Variants in NEK10 observed in about 807,000 individuals in gnomAD.
NEK10 encodes serine/threonine-protein kinase Nek10.
A neutral mutation model predicts 159.8 loss-of-function variants in NEK10; 122 were observed. The observed-to-expected ratio is 0.76, with a 90% CI of 0.66 to 0.89. The LOEUF (loss-of-function observed/expected upper bound fraction) is 0.89, where lower values mean the gene tolerates loss of function less well. NEK10 is among the 40% of genes least tolerant of loss of function. NEK10 has a pLI of 0.00. For synonymous variants in NEK10, 466 were observed against 457.1 expected, an observed-to-expected ratio of 1.02 and a Z score of -0.25; for missense variants, 1,342 against 1,323.1, an observed-to-expected ratio of 1.01 and a Z score of -0.22.
At chr3:27,266,045 T>C (rs1021106396) in intron 22 of NEK10, among the ~76,000 whole-genome samples, 7 of 152,152 alleles carry the variant, frequency 4.6e-5, no homozygotes, top group African/African-American at 1.7e-4. Flanking sequence ...GACCTCGTGA[T>C]CCACCTGCCT....
At chr3:27,113,637 G>T (rs375170180) in intron 35 of NEK10, among the ~76,000 whole-genome samples, 1 of 151,818 alleles carries the variant, frequency 6.6e-6, no homozygotes, top group Non-Finnish European at 1.5e-5. Flanking sequence ...TTTTGCCTTT[G>T]TTATAAGGCA....
chr3:27,112,947 T>C (rs1028921027), intron 35 of NEK10, among the ~76,000 whole-genome samples: 1 of 152,220 alleles, frequency 6.6e-6, no homozygotes, highest in African/African-American at 2.4e-5. Flanking sequence ...CTAATCTGAT[T>C]TGTACTTGGA....
intron 23 of NEK10, chr3:27,255,277 A>G (rs1249434166): frequency 2.3e-6 from 1 of 437,178 alleles, no homozygotes; most frequent in Non-Finnish European, 4.6e-6. Flanking sequence ...AGCCTGCCAC[A>G]GTTTCTTTGC....
At chr3:27,173,679 GGAGA>G (rs772424972) in intron 28 of NEK10, among the ~76,000 whole-genome samples, 28 of 152,086 alleles carry the variant, frequency 1.8e-4, no homozygotes, top group Non-Finnish European at 2.8e-4. Flanking sequence ...TAGTCACTGA[GGAGA>G]GAGAATTATT....
At chr3:27,167,848 C>T (rs772353797) in intron 29 of NEK10, among the ~76,000 whole-genome samples, 4 of 152,172 alleles carry the variant, frequency 2.6e-5, no homozygotes, top group African/African-American at 4.8e-5. Context: ...TATTATTCTC[C>T]AGCCTTGAGA....
intron 26 of NEK10, among the ~76,000 whole-genome samples, chr3:27,183,859 T>C (rs1948370739): frequency 6.6e-6 from 1 of 152,114 alleles, no homozygotes; most frequent in Admixed American, 6.5e-5. Context: ...TCATTGATCA[T>C]CAGGAAAATG....
chr3:27,228,769 A>G (rs1248863176), intron 23 of NEK10, among the ~76,000 whole-genome samples: 1 of 152,180 alleles, frequency 6.6e-6, no homozygotes, highest in Non-Finnish European at 1.5e-5. Flanking sequence ...CAACGTTCCT[A>G]CAGATGAAAA....
chr3:27,162,372 C>A, intron 30 of NEK10: 1 of 1,540,140 alleles, frequency 6.5e-7, no homozygotes, highest in Non-Finnish European at 8.8e-7. Flanking sequence ...AAATTACCAC[C>A]CAAGCATCGT....
At chr3:27,301,962 C>A in intron 12 of NEK10, 127 bp from the exon 13 acceptor site, 1 of 704,930 alleles carries the variant, frequency 1.4e-6, no homozygotes, top group Non-Finnish European at 2.4e-6. Context: ...TTTCACTTTC[C>A]AATCCACCTG....
At chr3:27,142,884 A>G (rs2125586724) in intron 30 of NEK10, among the ~76,000 whole-genome samples, 1 of 152,208 alleles carries the variant, frequency 6.6e-6, no homozygotes, top group East Asian at 1.9e-4. Flanking sequence ...GAAATAATCT[A>G]GTTCTAGCTC....
At chr3:27,336,891 T>C (rs781727110) in intron 5 of NEK10, among the ~76,000 whole-genome samples, 3 of 152,008 alleles carry the variant, frequency 2.0e-5, no homozygotes, top group Non-Finnish European at 2.9e-5. Context: ...CTTCAGCCAA[T>C]ATCATACTGA....
intron 32 of NEK10, among the ~76,000 whole-genome samples, chr3:27,124,525 AAAGT>A (rs1941714487): frequency 6.6e-6 from 1 of 152,212 alleles, no homozygotes; most frequent in Non-Finnish European, 1.5e-5. Flanking sequence ...ATGGAGAAGG[AAAGT>A]AATTTACACA....
rs1234012550 is a variant in NEK10 at position 27,115,939 on chromosome 3, C to A, written c.3299+1G>T. On this transcript the variant is annotated splice_donor_variant, in intron 35 of 35. Coordinates refer to ENST00000691995, the MANE Select transcript of NEK10 (RefSeq NM_001394966.1). LOFTEE classifies it high-confidence loss of function. ...AATTGAAGGCAAACTCTAGCTCTTA[C>A]CTGTTAGATGTAAAATTGTAATAGC... 16 of 1,608,504 alleles carry A rather than the reference C, an allele frequency of 9.9e-6. No individual in the cohort carries two copies. The highest frequency in any genetic ancestry group is 1.3e-5 in the Non-Finnish European group (15 of 1,175,604).
intron 23 of NEK10, among the ~76,000 whole-genome samples, chr3:27,231,864 A>G (rs1953315551): frequency 6.6e-6 from 1 of 151,896 alleles, no homozygotes; most frequent in Non-Finnish European, 1.5e-5. Flanking sequence ...CTGCCAACAA[A>G]AAGCCAGGAC....
chr3:27,320,988 G>C (rs916434734), intron 6 of NEK10, among the ~76,000 whole-genome samples: 4 of 152,228 alleles, frequency 2.6e-5, no homozygotes, highest in Admixed American at 1.3e-4. Flanking sequence ...GCTCCCACTG[G>C]GATGGCCTTG....
intron 22 of NEK10, among the ~76,000 whole-genome samples, chr3:27,265,074 G>A (rs1174516614): frequency 1.3e-5 from 2 of 152,082 alleles, no homozygotes; most frequent in Admixed American, 6.5e-5. Context: ...AAGAATAGTT[G>A]GGTATTTTCT....
At position 27,227,200 on chromosome 3, in the gene NEK10, T is replaced by C. The variant is rs182919077; in HGVS notation, c.2091-24643A>G. Among the ~76,000 whole-genome samples the C allele has an allele frequency of 2.0e-4, 31 of 152,228 alleles. No homozygotes were observed. In the East Asian group the frequency reaches 5.8e-3, roughly 28 times the overall value. ...AAGCAAACTAATGGAGGTGTAGAAA[T>C]TGATACATGACAGAGAATTGCTGGA... On this transcript the variant is annotated intron_variant, in intron 23 of 35. Coordinates refer to ENST00000691995, the MANE Select transcript of NEK10 (RefSeq NM_001394966.1).
chr3:27,213,213 G>T (rs563082976), intron 23 of NEK10, among the ~76,000 whole-genome samples: 1 of 152,072 alleles, frequency 6.6e-6, no homozygotes, highest in Non-Finnish European at 1.5e-5. Context: ...TGCTTTGTGC[G>T]TTCTGTCCAA....
chr3:27,353,012 T>C, intron 1 of NEK10, 93 bp from the exon 2 acceptor site: 1 of 620,200 alleles, frequency 1.6e-6, no homozygotes, highest in East Asian at 2.7e-5. Flanking sequence ...ATAACATCTA[T>C]TTAAACATGG....
Sources: gnomAD v4.1 joint callset for allele counts (sites outside exome capture counted in the v4.1 genomes callset) on GRCh38, gnomAD v4.1.1 for gene constraint, MANE v1.5 for transcripts, NCBI Gene and HGNC (gene_info 2026-07-23, HGNC 2026-07-21) for gene names.